The following RIPOR1 variants were observed in gnomAD, a reference collection of about 807,000 sequenced individuals.
The protein encoded by RIPOR1 is RHO family interacting cell polarization regulator 1, also known as rho family-interacting cell polarization regulator 1.
A neutral mutation model predicts 116.5 loss-of-function variants in RIPOR1; 58 were observed. The observed-to-expected ratio is 0.50, with a 90% CI of 0.40 to 0.62. The LOEUF is 0.62. Among genes scored for constraint, RIPOR1 ranks in the 20% least tolerant of loss-of-function variants. The probability of loss-of-function intolerance (pLI) is 0.00; values close to 1 mark genes in which losing one functional copy is unlikely to be tolerated. For synonymous variants in RIPOR1, 605 were observed against 650.0 expected, an observed-to-expected ratio of 0.93 and a Z score of 1.05; for missense variants, 1,372 against 1,586.2, an observed-to-expected ratio of 0.86 and a Z score of 2.29.
chr16:67,532,756 C>T (rs1031291592), intron 1 of RIPOR1, among the ~76,000 whole-genome samples: 1 of 152,166 alleles, frequency 6.6e-6, no homozygotes, highest in Non-Finnish European at 1.5e-5. Flanking sequence ...AAGGCTGTTG[C>T]CAGGATTAAA....
chr16:67,530,155 C>T lies in RIPOR1; in HGVS notation c.-24+1241C>T, dbSNP rs1416219841. Reference sequence around the variant, plus strand: ...AGGACTCAGGACTCTGGGCTGGGTCCCGCTTGAGAGAAGCGGGCGGGGAGG... The same window carrying T: ...AGGACTCAGGACTCTGGGCTGGGTCTCGCTTGAGAGAAGCGGGCGGGGAGG... On this transcript the variant is annotated intron_variant, in intron 1 of 21. Coordinates refer to ENST00000042381, the MANE Select transcript of RIPOR1 (RefSeq NM_024519.4). The surrounding 1 kb of genome is among the most constrained non-coding windows in gnomAD (Gnocchi z 4.5). 3 of 429,646 alleles carry T rather than the reference C, an allele frequency of 7.0e-6. No homozygotes were observed. The highest frequency in any genetic ancestry group is 1.3e-5 in the Non-Finnish European group (3 of 238,012). The allele number at this position is 429,646 out of a possible 1,614,324, so 26.6% of individuals were successfully genotyped here. A position where few individuals can be genotyped will look rare whatever the true frequency, so the allele number is the denominator to read the frequency against.
In RIPOR1 at chr16:67,543,578, A is replaced by C; in HGVS notation, c.2600+109A>C. ...TTGGGAGAAAGTCAAAGGACAGGACAGGTGAGGCAGGGCCAGGTGGAGCAT... is the reference window on the plus strand; with the variant it reads ...TTGGGAGAAAGTCAAAGGACAGGACCGGTGAGGCAGGGCCAGGTGGAGCAT... On this transcript the variant is annotated intron_variant, in intron 14 of 21. Coordinates refer to ENST00000042381, the MANE Select transcript of RIPOR1 (RefSeq NM_024519.4). This position sits in a 1 kb window ranked among gnomAD's most constrained non-coding sequence, Gnocchi z 4.7. The C allele has an allele frequency of 1.4e-6, 2 of 1,468,550 alleles. No individual in the cohort carries two copies. The highest frequency in any genetic ancestry group is 2.5e-5 in the East Asian group (1 of 40,418). The allele number at this position is 1,468,550 out of a possible 1,614,324, so 91.0% of individuals were successfully genotyped here. A position where few individuals can be genotyped will look rare whatever the true frequency, so the allele number is the denominator to read the frequency against.
rs1217674973 is a variant in RIPOR1, at chr16:67,541,596, G to A, written c.950+18G>A. 14 of 1,614,026 alleles carry A rather than the reference G, an allele frequency of 8.7e-6. No individual in the cohort carries two copies. The highest frequency in any genetic ancestry group is 1.7e-4 in the Middle Eastern group (1 of 6,060). On this transcript the variant is annotated intron_variant, in intron 11 of 21. Coordinates refer to ENST00000042381, the MANE Select transcript of RIPOR1 (RefSeq NM_024519.4). The surrounding 1 kb of genome is among the most constrained non-coding windows in gnomAD (Gnocchi z 4.6). ...ACATGGAGGTTGGTGGGGCTGAGAG[G>A]CTTGGAGGAGGGCCAGGAGGGCTGT...
Position 67,530,044 on chromosome 16 carries a change from T to G in RIPOR1, c.-24+1130T>G, listed in dbSNP as rs2050615148. On this transcript the variant is annotated intron_variant, in intron 1 of 21. Transcript: ENST00000042381. The surrounding 1 kb of genome is among the most constrained non-coding windows in gnomAD (Gnocchi z 4.5). ...GGCATAGCTCCTTCTTCCACCGCCC[T>G]CTCCGGCTTGGGTCCTGTGACTGCG... The G allele has an allele frequency of 1.6e-6, 1 of 628,124 alleles. No individual in the cohort carries two copies. Among genetic ancestry groups the G allele is most frequent in the South Asian group, 1.8e-5 (1 of 55,270 alleles). The allele number at this position is 628,124 out of a possible 1,614,324, so 38.9% of individuals were successfully genotyped here. A position where few individuals can be genotyped will look rare whatever the true frequency, so the allele number is the denominator to read the frequency against.
At position 67,540,711 on chromosome 16, in the gene RIPOR1, T is replaced by A. The variant is rs780422097; in HGVS notation, c.801+7T>A. On this transcript the variant is annotated splice_region_variant and intron_variant, in intron 10 of 21. Transcript: ENST00000042381. This position sits in a 1 kb window ranked among gnomAD's most constrained non-coding sequence, Gnocchi z 4.7. ...GGAATTTCTGTCTATTAAGGTGATG[T>A]CTCTGCCCAGGACGGCAGGCCACCA... is the stretch of plus-strand genomic sequence containing the variant. The A allele has an allele frequency of 1.6e-5, 25 of 1,582,778 alleles. No homozygotes were observed. In the South Asian group the frequency reaches 2.7e-4, roughly 17 times the overall value.
Position 67,545,109 on chromosome 16 carries a change from C to T in RIPOR1, c.3023C>T (p.Ala1008Val). 1 of 1,612,270 alleles carries T rather than the reference C, an allele frequency of 6.2e-7. No homozygotes were observed. Among genetic ancestry groups the T allele is most frequent in the South Asian group, 1.1e-5 (1 of 91,084 alleles). Residue 1008 changes from alanine to valine, a missense_variant, in exon 17 of 22, where the codon GCT becomes GTT. Physicochemically the swap from Ala to Val is moderately conservative, Grantham distance 64. Around this residue, in one of 3 missense-constraint regions of RIPOR1, gnomAD observed 1,005 missense variants for 1,144.7 expected, o/e 0.88. Coordinates refer to ENST00000042381, the MANE Select transcript of RIPOR1 (RefSeq NM_024519.4). The surrounding 1 kb of genome is among the most constrained non-coding windows in gnomAD (Gnocchi z 4.8). ...CTCTCCCTGCGCCAGCCAGGCTTGG[C>T]TGAGGCTGGTGAGTGGGCTGCTTCC... Reference protein sequence around the residue: ...ARLSLRQPGLAEAVCVKFLED... With the variant: ...ARLSLRQPGLVEAVCVKFLED...
intron 4 of RIPOR1, 74 bp downstream of exon 4, chr16:67,539,142 A>G: frequency 8.0e-7 from 1 of 1,251,610 alleles, no homozygotes; most frequent in Non-Finnish European, 1.1e-6. Context: ...CCTGGGTGAT[A>G]TCTGGGCTAT....
intron 1 of RIPOR1, among the ~76,000 whole-genome samples, chr16:67,533,377 G>A (rs375209970): frequency 1.3e-5 from 2 of 152,120 alleles, no homozygotes; most frequent in Non-Finnish European, 2.9e-5. Context: ...ATTGAGCTGC[G>A]GGATCTGTGC....
chr16:67,534,504 G>A (rs928750792), intron 1 of RIPOR1, among the ~76,000 whole-genome samples: 1 of 152,134 alleles, frequency 6.6e-6, no homozygotes, highest in African/African-American at 2.4e-5. Context: ...GTACAACTCT[G>A]TACATTTTCA....
Position 67,542,162 on chromosome 16 carries a change from C to T in RIPOR1, c.1376C>T (p.Ala459Val), listed in dbSNP as rs760279616. The part of the protein sequence containing the change: ...SHISEASVDA[A>V]LAEASVEAVG... The stretch of plus-strand genomic sequence containing the variant: ...ATCAGTGAGGCTAGTGTAGATGCTG[C>T]CTTGGCTGAGGCTTCAGTGGAGGCC... Residue 459 changes from alanine (A) to valine (V), a missense_variant, in exon 13 of 22, where the codon GCC becomes GTC. Transcript: ENST00000042381. This position sits in a 1 kb window ranked among gnomAD's most constrained non-coding sequence, Gnocchi z 4.6. The T allele has an allele frequency of 8.7e-6, 14 of 1,613,464 alleles. No homozygotes were observed. Among genetic ancestry groups the T allele is most frequent in the Non-Finnish European group, 1.2e-5 (14 of 1,179,740 alleles).
chr16:67,529,621 T>C lies in RIPOR1; in HGVS notation c.-24+707T>C. On this transcript the variant is annotated intron_variant, in intron 1 of 21. Transcript: ENST00000042381. The surrounding 1 kb of genome is among the most constrained non-coding windows in gnomAD (Gnocchi z 4.1). Reference sequence around the variant, plus strand: ...GGATTCAGTCCAGATTCAGCACCCTTTGTCCTCCTCTCCAGGGTGAGCCCT... The same window carrying C: ...GGATTCAGTCCAGATTCAGCACCCTCTGTCCTCCTCTCCAGGGTGAGCCCT... The C allele has an allele frequency of 1.4e-6, 1 of 727,414 alleles. No homozygotes were observed. Among genetic ancestry groups the C allele is most frequent in the South Asian group, 1.8e-5 (1 of 54,818 alleles). 45.1% of individuals were successfully genotyped at this position (727,414 alleles called of 1,614,324 possible).
rs1392045009 is a variant in RIPOR1, at chr16:67,540,310, T to TG, written c.579dup (p.Leu194AlafsTer32). The TG allele has an allele frequency of 6.2e-7, 1 of 1,614,026 alleles. No individual in the cohort carries two copies. Among genetic ancestry groups the TG allele is most frequent in the African/African-American group, 1.3e-5 (1 of 74,914 alleles). ...GCCCCTCCCTCCCAGAGCATGTGTC[T>TG]GCTGGAGAGCGAGCTGGAGGCACAG... On this transcript the variant is annotated frameshift_variant, in exon 8 of 22. Transcript: ENST00000042381. LOFTEE classifies it high-confidence loss of function. The surrounding 1 kb of genome is among the most constrained non-coding windows in gnomAD (Gnocchi z 4.7).
At chr16:67,538,609 G>A (rs564723641) in intron 2 of RIPOR1, 59 bp downstream of exon 2, 2 of 1,607,194 alleles carry the variant, frequency 1.2e-6, no homozygotes, top group Admixed American at 3.3e-5. Context: ...TGGGTCTGGG[G>A]GTGCGTAGTG....
At chr16:67,519,854 G>A (rs1040545055) in intron 1 of RIPOR1, among the ~76,000 whole-genome samples, 3 of 151,994 alleles carry the variant, frequency 2.0e-5, no homozygotes, top group Non-Finnish European at 2.9e-5. Context: ...CTGAGGTCAG[G>A]AGCTTGAGAC....
In RIPOR1 at chr16:67,541,946, G is replaced by T. The variant is rs756895863; in HGVS notation, c.1160G>T (p.Ser387Ile). Residue 387 changes from serine (S) to isoleucine (I), a missense_variant, in exon 13 of 22, where the codon AGC (serine) becomes ATC (isoleucine). By Grantham distance (142) the Ser-to-Ile change is moderately radical (BLOSUM62 -2). Transcript: ENST00000042381. This position sits in a 1 kb window ranked among gnomAD's most constrained non-coding sequence, Gnocchi z 4.6. ...TCTGAATCTTCAGACGACTCATCCA[G>T]CCCACAGCTCTCAGGCACTGCCCGC... ...LSSESSDDSS[S>I]PQLSGTARHS... The T allele has an allele frequency of 6.2e-7, 1 of 1,612,090 alleles. No individual in the cohort carries two copies. The highest frequency in any genetic ancestry group is 1.1e-5 in the South Asian group (1 of 91,054).
upstream of RIPOR1, among the ~76,000 whole-genome samples, chr16:67,527,575 T>C (rs2050553354): frequency 6.6e-6 from 1 of 151,212 alleles, no homozygotes; most frequent in African/African-American, 2.4e-5. Context: ...AAAGCCCATC[T>C]CTAAAAAACC....
intron 1 of RIPOR1, 105 bp from the exon 2 acceptor site, chr16:67,538,319 C>T (rs1465896624): frequency 4.9e-6 from 7 of 1,420,760 alleles, no homozygotes; most frequent in South Asian, 1.4e-5. Context: ...GCTGGGGCAG[C>T]TGTGCCTAGC....
intron 1 of RIPOR1, among the ~76,000 whole-genome samples, chr16:67,532,841 A>C (rs909840928): frequency 6.6e-6 from 1 of 152,242 alleles, no homozygotes; most frequent in African/African-American, 2.4e-5. Context: ...GGCACTGTCA[A>C]GTGGCTACAA....
intron 1 of RIPOR1, among the ~76,000 whole-genome samples, chr16:67,534,906 G>A (rs2050756367): frequency 7.7e-6 from 1 of 129,380 alleles, no homozygotes; most frequent in Non-Finnish European, 1.5e-5. Flanking sequence ...GCAGTGGCAT[G>A]ATAGCAGCTC....
Sources: gnomAD v4.1 joint callset for allele counts (sites outside exome capture counted in the v4.1 genomes callset) on GRCh38, gnomAD v4.1.1 for gene constraint, gnomAD v4.1.1 regional missense constraint, Gnocchi (gnomAD v3.1) non-coding constraint, MANE v1.5 for transcripts, NCBI Gene and HGNC (gene_info 2026-07-23, HGNC 2026-07-21) for gene names.